The following NSMCE2 variants were observed in gnomAD, a reference collection of about 807,000 sequenced individuals.
NSMCE2 encodes the protein E3 SUMO-protein ligase NSE2.
A neutral mutation model predicts 23.8 loss-of-function variants in NSMCE2; 24 were observed. The ratio of observed to expected loss-of-function variants is 1.01; its 90% CI spans 0.73 to 1.42. The LOEUF (loss-of-function observed/expected upper bound fraction) is 1.42, where lower values mean the gene tolerates loss of function less well. Ranked by LOEUF, NSMCE2 falls within the 40% of genes most tolerant of loss-of-function variation. The pLI is 0.00. For missense variants in NSMCE2, 284 were observed against 296.5 expected, an observed-to-expected ratio of 0.96 and a Z score of 0.31; for synonymous variants, 92 against 94.1, an observed-to-expected ratio of 0.98 and a Z score of 0.13.
chr8:125,113,657 A>AGTT (rs978429853), intron 3 of NSMCE2, among the ~76,000 whole-genome samples: 1 of 152,232 alleles, frequency 6.6e-6, no homozygotes, highest in African/African-American at 2.4e-5. Flanking sequence ...TTTCAACACC[A>AGTT]GTTTAGGTGT....
chr8:125,091,976 G>A lies in NSMCE2; in HGVS notation c.-111+18G>A, dbSNP rs902872780. 1 of 152,444 alleles carries A rather than the reference G, an allele frequency of 6.6e-6. No homozygotes were observed. Among genetic ancestry groups the A allele is most frequent in the African/African-American group, 2.4e-5 (1 of 41,466 alleles). 9.4% of individuals were successfully genotyped at this position (152,444 alleles called of 1,614,324 possible). The stretch of plus-strand genomic sequence containing the variant: ...ACTACCAGGTAGGGAAGAAGCGGGG[G>A]ACGGCAATGGGGAGGGTGGCAGGAG... On this transcript the variant is annotated intron_variant, in intron 1 of 7. Transcript: ENST00000287437.
intron 5 of NSMCE2, among the ~76,000 whole-genome samples, chr8:125,336,493 TG>T (rs1194826347): frequency 3.9e-5 from 6 of 152,082 alleles, no homozygotes; most frequent in African/African-American, 1.2e-4. Flanking sequence ...GAAGGAGGAT[TG>T]GTTATATGCA....
rs567806865 is a variant in NSMCE2, at chr8:125,226,236, C to A, written c.418+43980C>A. ...TGACTTTAACTAAATATTCTCATGG[C>A]CCAGTCATTGTGTAGATTTGCTTTT... On this transcript the variant is annotated intron_variant, in intron 5 of 7. Coordinates refer to ENST00000287437, the MANE Select transcript of NSMCE2 (RefSeq NM_173685.4). Among the ~76,000 whole-genome samples, 3 of 152,252 alleles carry A rather than the reference C, an allele frequency of 2.0e-5. No individual in the cohort carries two copies. In the South Asian group the frequency reaches 6.2e-4, roughly 32 times the overall value.
At chr8:125,269,675 C>A (rs1300652855) in intron 5 of NSMCE2, among the ~76,000 whole-genome samples, 1 of 152,184 alleles carries the variant, frequency 6.6e-6, no homozygotes, top group Non-Finnish European at 1.5e-5. Flanking sequence ...GGCAATAGTT[C>A]ATGGAATCTG....
At chr8:125,276,254 G>A (rs1827445421) in intron 5 of NSMCE2, among the ~76,000 whole-genome samples, 1 of 152,066 alleles carries the variant, frequency 6.6e-6, no homozygotes, top group Non-Finnish European at 1.5e-5. Flanking sequence ...GAAGCCCTTA[G>A]CCAATCAAAC....
chr8:125,312,832 C>CG (rs1220366172), intron 5 of NSMCE2, among the ~76,000 whole-genome samples: 3 of 151,796 alleles, frequency 2.0e-5, no homozygotes, highest in Admixed American at 2.0e-4. Flanking sequence ...ATAAAGAGTA[C>CG]GGGGCCGGTT....
At chr8:125,180,223 C>T (rs139273968) in intron 4 of NSMCE2, among the ~76,000 whole-genome samples, 1 of 152,158 alleles carries the variant, frequency 6.6e-6, no homozygotes. Context: ...GCCTTTCTAT[C>T]TTCTCTTTTC....
chr8:125,267,679 G>A (rs980750639), intron 5 of NSMCE2, among the ~76,000 whole-genome samples: 1 of 152,152 alleles, frequency 6.6e-6, no homozygotes, highest in Non-Finnish European at 1.5e-5. Context: ...GAGAGCCTGC[G>A]GTTGGGAGGA....
chr8:125,246,844 A>G (rs990723769), intron 5 of NSMCE2, among the ~76,000 whole-genome samples: 2 of 152,168 alleles, frequency 1.3e-5, no homozygotes, highest in Non-Finnish European at 2.9e-5. Context: ...AGTCACCACA[A>G]TCAAGGTAAT....
At chr8:125,346,115 C>A (rs1179117839) in intron 5 of NSMCE2, among the ~76,000 whole-genome samples, 2 of 152,012 alleles carry the variant, frequency 1.3e-5, no homozygotes, top group Non-Finnish European at 2.9e-5. Context: ...CAAGATCGCA[C>A]CATTGCACTC....
intron 5 of NSMCE2, among the ~76,000 whole-genome samples, chr8:125,225,098 A>G (rs1205242919): frequency 6.6e-6 from 1 of 152,236 alleles, no homozygotes; most frequent in Non-Finnish European, 1.5e-5. Flanking sequence ...AATTTATCAC[A>G]TATTTGGCAT....
intron 5 of NSMCE2, among the ~76,000 whole-genome samples, chr8:125,268,662 A>G (rs1224290427): frequency 6.6e-6 from 1 of 152,224 alleles, no homozygotes; most frequent in Non-Finnish European, 1.5e-5. Flanking sequence ...TTCAGCAGAA[A>G]CAAAAGAGAG....
chr8:125,303,479 G>T (rs925212476), intron 5 of NSMCE2, among the ~76,000 whole-genome samples: 8 of 152,094 alleles, frequency 5.3e-5, no homozygotes, highest in African/African-American at 1.7e-4. Flanking sequence ...AAGGTCAGGG[G>T]TATCCATTTT....
chr8:125,095,946 G>A (rs1817909610), intron 1 of NSMCE2, among the ~76,000 whole-genome samples: 1 of 151,732 alleles, frequency 6.6e-6, no homozygotes, highest in African/African-American at 2.4e-5. Context: ...GGTCCTTGCA[G>A]GTTTGTGTTT....
chr8:125,160,474 G>A (rs536316548), intron 4 of NSMCE2, among the ~76,000 whole-genome samples: 1 of 152,280 alleles, frequency 6.6e-6, no homozygotes, highest in Admixed American at 6.5e-5. Flanking sequence ...GTGGCTTGGG[G>A]TATGGAAGTT....
intron 5 of NSMCE2, among the ~76,000 whole-genome samples, chr8:125,331,209 A>G (rs1317221352): frequency 2.0e-5 from 3 of 152,196 alleles, no homozygotes; most frequent in Non-Finnish European, 4.4e-5. Flanking sequence ...CTGAGGCAGG[A>G]GAATGGCGTG....
At chr8:125,185,719 G>C (rs188503698) in intron 5 of NSMCE2, among the ~76,000 whole-genome samples, 1 of 152,224 alleles carries the variant, frequency 6.6e-6, no homozygotes, top group Admixed American at 6.5e-5. Context: ...ATTAACATAT[G>C]AAAAATAAGC....
chr8:125,274,990 T>C (rs1172854421), intron 5 of NSMCE2, among the ~76,000 whole-genome samples: 1 of 100,958 alleles, frequency 9.9e-6, no homozygotes, highest in Non-Finnish European at 2.0e-5. Flanking sequence ...TTCAGGACAA[T>C]CTGAAGATGA....
intron 1 of NSMCE2, among the ~76,000 whole-genome samples, chr8:125,092,344 A>G (rs182999471): frequency 2.0e-5 from 3 of 152,352 alleles, no homozygotes; most frequent in African/African-American, 7.2e-5. Flanking sequence ...GGCATTCTGT[A>G]GGTGACCGAG....
Sources: gnomAD v4.1 joint callset for allele counts (sites outside exome capture counted in the v4.1 genomes callset) on GRCh38, gnomAD v4.1.1 for gene constraint, MANE v1.5 for transcripts, NCBI Gene and HGNC (gene_info 2026-07-23, HGNC 2026-07-21) for gene names.